Variants in PRKCH observed in about 807,000 individuals in gnomAD.
The protein encoded by PRKCH is protein kinase C eta type.
PRKCH carries 28 observed loss-of-function variants against 82.5 expected under a neutral mutation model. That is an observed-to-expected ratio of 0.34 (90% CI 0.25 to 0.47). The LOEUF is 0.47. PRKCH is among the 20% of genes least tolerant of loss of function. PRKCH has a pLI of 1.00. For synonymous variants in PRKCH, 322 were observed against 327.4 expected, an observed-to-expected ratio of 0.98 and a Z score of 0.18; for missense variants, 705 against 881.8, an observed-to-expected ratio of 0.80 and a Z score of 2.54.
intron 1 of PRKCH, among the ~76,000 whole-genome samples, chr14:61,254,419 C>T (rs2044978630): frequency 6.6e-6 from 1 of 152,026 alleles, no homozygotes; most frequent in Non-Finnish European, 1.5e-5. Context: ...TTGAGACCAG[C>T]CTGGGCAACA....
chr14:61,324,054 A>T lies in PRKCH; in HGVS notation c.363+1590A>T, dbSNP rs374232005. Among the ~76,000 whole-genome samples, 27 of 152,286 alleles carry T rather than the reference A, an allele frequency of 1.8e-4. No homozygotes were observed. In the East Asian group the frequency reaches 2.1e-3, roughly 12 times the overall value. On this transcript the variant is annotated intron_variant, in intron 1 of 13. Coordinates refer to ENST00000332981, the MANE Select transcript of PRKCH (RefSeq NM_006255.5). Reference sequence around the variant, plus strand: ...ACCCAGGGACCTTTAAAAAATCCCCACTTTTAAAGATTCTAGATAGGAATC... The same window carrying T: ...ACCCAGGGACCTTTAAAAAATCCCCTCTTTTAAAGATTCTAGATAGGAATC...
At chr14:61,293,301 G>C (rs1337794569) in intron 1 of PRKCH, among the ~76,000 whole-genome samples, 1 of 152,176 alleles carries the variant, frequency 6.6e-6, no homozygotes, top group African/African-American at 2.4e-5. Flanking sequence ...ACCATGGCAA[G>C]GGCAATACGC....
chr14:61,373,752 C>T (rs2140176395), intron 1 of PRKCH, among the ~76,000 whole-genome samples: 1 of 152,166 alleles, frequency 6.6e-6, no homozygotes, highest in Admixed American at 6.5e-5. Flanking sequence ...AGGCATGCGC[C>T]ACCATGCCCA....
rs118022172 is a variant in PRKCH at position 61,375,920 on chromosome 14, G to A, written c.364-15305G>A. ...AAAACTCAGCTACTTGGGAGGCTGA[G>A]GCAGGAGAATCACTTGAACCCGGGA... On this transcript the variant is annotated intron_variant, in intron 1 of 13. Coordinates refer to ENST00000332981, the MANE Select transcript of PRKCH (RefSeq NM_006255.5). 7.3e-3 allele frequency among the ~76,000 whole-genome samples: 1,101 copies of A among 151,832 alleles called. 5 individuals are homozygous for A. Among genetic ancestry groups the A allele is most frequent in the Non-Finnish European group, 0.011 (758 of 67,996 alleles).
chr14:61,534,125 T>A (rs1050250539), intron 12 of PRKCH, among the ~76,000 whole-genome samples: 1 of 152,198 alleles, frequency 6.6e-6, no homozygotes, highest in Non-Finnish European at 1.5e-5. Flanking sequence ...CTGATGAGGA[T>A]GTAAAATGGT....
intron 1 of PRKCH, among the ~76,000 whole-genome samples, chr14:61,315,314 G>A (rs1033061039): frequency 1.1e-4 from 17 of 152,198 alleles, no homozygotes; most frequent in African/African-American, 4.1e-4. Flanking sequence ...ATGGAGCTTA[G>A]GCATTTATTT....
chr14:61,258,855 C>G (rs146036376), intron 1 of PRKCH, among the ~76,000 whole-genome samples: 223 of 152,346 alleles, frequency 1.5e-3, no homozygotes, highest in African/African-American at 5.2e-3. Context: ...AACCCACAAA[C>G]TACTCATGTG....
intron 10 of PRKCH, among the ~76,000 whole-genome samples, chr14:61,526,900 C>T (rs1317119452): frequency 6.6e-6 from 1 of 152,266 alleles, no homozygotes. Context: ...TGTCACTGAT[C>T]AGCCTATGTG....
chr14:61,245,692 G>T (rs539244913), intron 1 of PRKCH, among the ~76,000 whole-genome samples: 2 of 152,300 alleles, frequency 1.3e-5, no homozygotes, highest in East Asian at 3.9e-4. Context: ...AGAGTAGGCC[G>T]CAGAAGGACA....
At chr14:61,474,893 CAG>C (rs1425972574) in intron 9 of PRKCH, among the ~76,000 whole-genome samples, 4 of 152,142 alleles carry the variant, frequency 2.6e-5, no homozygotes, top group East Asian at 3.8e-4. Context: ...GCACTGCAGA[CAG>C]GGGGAGAGGA....
intron 1 of PRKCH, among the ~76,000 whole-genome samples, chr14:61,381,540 G>A (rs939889209): frequency 2.6e-5 from 4 of 152,214 alleles, no homozygotes; most frequent in African/African-American, 9.7e-5. Flanking sequence ...CCCATGTCGG[G>A]GGGATACCTT....
chr14:61,372,261 A>T (rs911314502), intron 1 of PRKCH, among the ~76,000 whole-genome samples: 8 of 152,164 alleles, frequency 5.3e-5, no homozygotes, highest in Non-Finnish European at 1.2e-4. Context: ...CCTTGTTGCT[A>T]CTGAGGTGTC....
intron 10 of PRKCH, among the ~76,000 whole-genome samples, chr14:61,507,254 T>C (rs1887189218): frequency 6.6e-6 from 1 of 152,154 alleles, no homozygotes; most frequent in Non-Finnish European, 1.5e-5. Flanking sequence ...ACCTCATACG[T>C]GTTAGGATGG....
At chr14:61,339,383 G>A (rs1207158190) in intron 1 of PRKCH, among the ~76,000 whole-genome samples, 1 of 150,926 alleles carries the variant, frequency 6.6e-6, no homozygotes, top group Non-Finnish European at 1.5e-5. Context: ...GAGCGCAGTG[G>A]CGCAATCTCA....
intron 1 of PRKCH, among the ~76,000 whole-genome samples, chr14:61,231,095 A>C (rs7151462): frequency 1.3e-5 from 2 of 152,166 alleles, no homozygotes; most frequent in Non-Finnish European, 2.9e-5. Flanking sequence ...TTAAGAAAGC[A>C]CAGACTCTGG....
At chr14:61,394,159 A>AT (rs2046731411) in intron 2 of PRKCH, among the ~76,000 whole-genome samples, 1 of 152,130 alleles carries the variant, frequency 6.6e-6, no homozygotes, top group East Asian at 1.9e-4. Flanking sequence ...TCCCATTCAT[A>AT]TGGGTGAATT....
At chr14:61,341,111 T>C (rs985411875) in intron 1 of PRKCH, among the ~76,000 whole-genome samples, 20 of 152,208 alleles carry the variant, frequency 1.3e-4, no homozygotes, top group African/African-American at 4.6e-4. Flanking sequence ...ACCTCCCTCC[T>C]GCCAGAAGTC....
At chr14:61,356,582 G>A (rs549773700) in intron 1 of PRKCH, among the ~76,000 whole-genome samples, 2 of 152,304 alleles carry the variant, frequency 1.3e-5, no homozygotes, top group African/African-American at 4.8e-5. Context: ...TCAAGGGATT[G>A]AACTGCAGCA....
At chr14:61,513,173 G>A (rs779179238) in intron 10 of PRKCH, among the ~76,000 whole-genome samples, 12 of 152,122 alleles carry the variant, frequency 7.9e-5, no homozygotes, top group African/African-American at 1.7e-4. Flanking sequence ...TCCACCACGC[G>A]CAGAACTTTA....
Sources: gnomAD v4.1 joint callset for allele counts (sites outside exome capture counted in the v4.1 genomes callset) on GRCh38, gnomAD v4.1.1 for gene constraint, MANE v1.5 for transcripts, NCBI Gene and HGNC (gene_info 2026-07-23, HGNC 2026-07-21) for gene names.